Variants in KIAA1217 observed in about 807,000 individuals in gnomAD.
KIAA1217 encodes sickle tail protein homolog.
KIAA1217 carries 88 observed loss-of-function variants against 163.9 expected under a neutral mutation model. The observed-to-expected ratio is 0.54, with a 90% CI of 0.45 to 0.64. The LOEUF is 0.64. KIAA1217 is among the 30% of genes least tolerant of loss of function. KIAA1217 has a pLI of 0.00. For missense variants in KIAA1217, 2,372 were observed against 2,475.0 expected, an observed-to-expected ratio of 0.96 and a Z score of 0.88; for synonymous variants, 903 against 923.1, an observed-to-expected ratio of 0.98 and a Z score of 0.39.
intron 1 of KIAA1217, among the ~76,000 whole-genome samples, chr10:23,819,539 A>G (rs1837520415): frequency 6.6e-6 from 1 of 152,168 alleles, no homozygotes; most frequent in Non-Finnish European, 1.5e-5. Context: ...TGTAATTCTC[A>G]TTAACTTGGA....
chr10:24,210,620 C>T (rs1259199716), intron 1 of KIAA1217, among the ~76,000 whole-genome samples: 1 of 152,144 alleles, frequency 6.6e-6, no homozygotes, highest in Non-Finnish European at 1.5e-5. Context: ...AATTCAGAGG[C>T]TTCAGAGGCT....
At chr10:23,802,704 C>T (rs1836529933) in intron 1 of KIAA1217, among the ~76,000 whole-genome samples, 2 of 152,192 alleles carry the variant, frequency 1.3e-5, no homozygotes, top group South Asian at 4.1e-4. Context: ...AAATCAGTGA[C>T]ATAAAAGTCA....
chr10:24,298,838 G>A (rs1308372588), intron 2 of KIAA1217, among the ~76,000 whole-genome samples: 1 of 151,962 alleles, frequency 6.6e-6, no homozygotes, highest in Non-Finnish European at 1.5e-5. Flanking sequence ...TAAATAGTAA[G>A]AGCATATCCC....
intron 2 of KIAA1217, among the ~76,000 whole-genome samples, chr10:24,344,021 A>G (rs1052396244): frequency 3.9e-5 from 6 of 152,168 alleles, no homozygotes; most frequent in African/African-American, 1.2e-4. Flanking sequence ...AAGATTTGCA[A>G]AATTGGTTGC....
intron 2 of KIAA1217, among the ~76,000 whole-genome samples, chr10:24,294,500 A>G (rs1033121364): frequency 1.3e-5 from 2 of 152,158 alleles, no homozygotes; most frequent in Non-Finnish European, 2.9e-5. Context: ...TGTGGATGCT[A>G]CTTTCATTAG....
intron 1 of KIAA1217, among the ~76,000 whole-genome samples, chr10:23,974,954 C>T (rs191087197): frequency 1.4e-4 from 21 of 151,900 alleles, no homozygotes; most frequent in African/African-American, 4.8e-4. Flanking sequence ...CTCTTTTTCA[C>T]GAGCCCTGGG....
intron 2 of KIAA1217, among the ~76,000 whole-genome samples, chr10:24,364,589 C>T (rs1338141751): frequency 6.6e-6 from 1 of 152,078 alleles, no homozygotes; most frequent in African/African-American, 2.4e-5. Context: ...CCTACGTCTC[C>T]AGCATCCCGG....
At chr10:24,502,222 G>T (rs1034195716) in intron 9 of KIAA1217, among the ~76,000 whole-genome samples, 1 of 148,838 alleles carries the variant, frequency 6.7e-6, no homozygotes, top group Non-Finnish European at 1.5e-5. Context: ...CGGGGACAAA[G>T]GTGGATAGTC....
intron 6 of KIAA1217, among the ~76,000 whole-genome samples, chr10:24,485,981 A>G (rs888336073): frequency 1.3e-5 from 2 of 152,182 alleles, no homozygotes; most frequent in African/African-American, 2.4e-5. Flanking sequence ...ACTCAGGCCA[A>G]AAGTCTTGGT....
chr10:24,402,037 G>C (rs2056581142), intron 3 of KIAA1217, among the ~76,000 whole-genome samples: 1 of 152,156 alleles, frequency 6.6e-6, no homozygotes, highest in Admixed American at 6.5e-5. Flanking sequence ...ATATGCTGTT[G>C]AAAGAAGTCA....
chr10:24,087,462 G>A (rs893192540), intron 2 of KIAA1217, among the ~76,000 whole-genome samples: 37 of 152,272 alleles, frequency 2.4e-4, no homozygotes, highest in Non-Finnish European at 1.2e-4. Context: ...TTCTTAACTA[G>A]AGGGGCCCAA....
chr10:24,006,043 T>A (rs1846981813), intron 1 of KIAA1217, among the ~76,000 whole-genome samples: 1 of 152,208 alleles, frequency 6.6e-6, no homozygotes, highest in Admixed American at 6.5e-5. Flanking sequence ...TCTCCTGTGT[T>A]ATACGGTTTC....
At chr10:24,060,271 T>A (rs1212114610) in intron 2 of KIAA1217, among the ~76,000 whole-genome samples, 2 of 152,178 alleles carry the variant, frequency 1.3e-5, no homozygotes, top group Admixed American at 1.3e-4. Context: ...CCCTATAAAT[T>A]TCTCTCTTAG....
At chr10:23,737,382 A>G (rs1588691939) in intron 1 of KIAA1217, among the ~76,000 whole-genome samples, 1 of 143,124 alleles carries the variant, frequency 7.0e-6, no homozygotes. Context: ...TTTAGTAGAG[A>G]CGGGGTTTCA....
chr10:23,977,287 A>T (rs527909448), intron 1 of KIAA1217, among the ~76,000 whole-genome samples: 15 of 152,342 alleles, frequency 9.8e-5, no homozygotes, highest in African/African-American at 3.4e-4. Flanking sequence ...AATGTCATAA[A>T]TCTATAACCT....
chr10:23,779,196 C>A (rs1044182499), intron 1 of KIAA1217, among the ~76,000 whole-genome samples: 1 of 152,090 alleles, frequency 6.6e-6, no homozygotes, highest in Non-Finnish European at 1.5e-5. Flanking sequence ...AATAGTGGAT[C>A]GCTAGAATTA....
intron 2 of KIAA1217, among the ~76,000 whole-genome samples, chr10:24,293,943 C>A (rs1365066863): frequency 6.6e-6 from 1 of 152,166 alleles, no homozygotes; most frequent in Admixed American, 6.5e-5. Flanking sequence ...CCTGGAATCC[C>A]AGCACTTTGG....
chr10:24,169,414 C>CTTATTCAGATAT lies in KIAA1217; in HGVS notation c.-170-50211_-170-50210insTATTCAGATATT, dbSNP rs2065514112. Among the ~76,000 whole-genome samples the CTTATTCAGATAT allele has an allele frequency of 1.4e-4, 19 of 135,156 alleles. No individual in the cohort carries two copies. In the Admixed American group the frequency reaches 1.5e-3, roughly 11 times the overall value. The allele number at this position is 135,156 out of a possible 152,430, so 88.7% of individuals were successfully genotyped here. On this transcript the variant is annotated intron_variant, in intron 2 of 18. Transcript: ENST00000376462. The stretch of plus-strand genomic sequence containing the variant: ...CCCTCTGAATAAGACCACCATCAGT[C>CTTATTCAGATAT]TCTAGCATATATTCTGCTTTATCTT...
At chr10:23,780,790 C>T (rs779023655) in intron 1 of KIAA1217, among the ~76,000 whole-genome samples, 4 of 152,160 alleles carry the variant, frequency 2.6e-5, no homozygotes, top group Non-Finnish European at 4.4e-5. Flanking sequence ...AAGTGATTCT[C>T]ATGCCTCAGC....
Sources: gnomAD v4.1 joint callset for allele counts (sites outside exome capture counted in the v4.1 genomes callset) on GRCh38, gnomAD v4.1.1 for gene constraint, MANE v1.5 for transcripts, NCBI Gene and HGNC (gene_info 2026-07-23, HGNC 2026-07-21) for gene names.